DCDC2C: variants seen among roughly 807,000 people sequenced by gnomAD.
DCDC2C encodes doublecortin domain containing 2C, also known as doublecortin domain-containing protein 2C.
A neutral mutation model predicts 45.0 loss-of-function variants in DCDC2C; 44 were observed. The observed-to-expected ratio is 0.98, with a 90% CI of 0.77 to 1.26. DCDC2C has a LOEUF of 1.26. DCDC2C is among the 50% of genes most tolerant of loss of function. The pLI, the probability that DCDC2C is intolerant of heterozygous loss-of-function variation, is 0.00. For missense variants in DCDC2C, 447 were observed against 468.9 expected, an observed-to-expected ratio of 0.95 and a Z score of 0.43; for synonymous variants, 187 against 178.8, an observed-to-expected ratio of 1.05 and a Z score of -0.37.
chr2:3,720,911 A>C (rs1295625360), intron 2 of DCDC2C, among the ~76,000 whole-genome samples: 1 of 152,168 alleles, frequency 6.6e-6, no homozygotes, highest in Non-Finnish European at 1.5e-5. Context: ...TTGTGTGAAG[A>C]GTTTGAACTA....
At chr2:3,839,105 G>A (rs1238823555) in intron 10 of DCDC2C, among the ~76,000 whole-genome samples, 1 of 152,130 alleles carries the variant, frequency 6.6e-6, no homozygotes, top group East Asian at 1.9e-4. Flanking sequence ...AAGCCTTCAA[G>A]CCACCATCAG....
chr2:3,768,561 C>T (rs1355357316), intron 7 of DCDC2C, among the ~76,000 whole-genome samples: 1 of 152,174 alleles, frequency 6.6e-6, no homozygotes, highest in Non-Finnish European at 1.5e-5. Context: ...CACCCTTCCT[C>T]CCCTCTTGGC....
chr2:3,845,844 G>A (rs1410930944), intron 10 of DCDC2C, among the ~76,000 whole-genome samples: 13 of 152,220 alleles, frequency 8.5e-5, no homozygotes, highest in Non-Finnish European at 1.9e-4. Context: ...GCCCTGGTCT[G>A]TGCTCCACCA....
At chr2:3,837,759 G>C (rs200640093) in intron 10 of DCDC2C, among the ~76,000 whole-genome samples, 1 of 151,682 alleles carries the variant, frequency 6.6e-6, no homozygotes, top group East Asian at 1.9e-4. Context: ...CAAGAGAGGC[G>C]ATAACTGCTG....
chr2:3,829,038 T>G (rs1671892074), intron 10 of DCDC2C, among the ~76,000 whole-genome samples: 1 of 152,204 alleles, frequency 6.6e-6, no homozygotes, highest in African/African-American at 2.4e-5. Context: ...CTATCATTTT[T>G]CAGTCTGCTT....
chr2:3,737,629 C>T (rs1327317020), intron 3 of DCDC2C, among the ~76,000 whole-genome samples: 1 of 152,026 alleles, frequency 6.6e-6, no homozygotes, highest in Non-Finnish European at 1.5e-5. Context: ...TCCATGTGGC[C>T]TGGGGAAACC....
intron 10 of DCDC2C, among the ~76,000 whole-genome samples, chr2:3,798,160 A>G (rs1671013078): frequency 6.6e-6 from 1 of 151,882 alleles, no homozygotes; most frequent in Non-Finnish European, 1.5e-5. Flanking sequence ...TTGTTGGTTT[A>G]AAGTCTGTTT....
At chr2:3,759,071 A>C (rs968056016) in intron 6 of DCDC2C, among the ~76,000 whole-genome samples, 1 of 152,198 alleles carries the variant, frequency 6.6e-6, no homozygotes, top group Non-Finnish European at 1.5e-5. Flanking sequence ...TCGACTCTGC[A>C]GGGCTGAAGC....
rs189126494 is a variant in DCDC2C at position 3,756,950 on chromosome 2, G to A, written c.726+2316G>A. The stretch of plus-strand genomic sequence containing the variant: ...AAACACATTTTCGTATTAGGTGTTT[G>A]TTGAATGGATGAATGATGATCACTG... On this transcript the variant is annotated intron_variant, in intron 6 of 10. Coordinates refer to ENST00000399143, the MANE Select transcript of DCDC2C (RefSeq NM_001287444.2). 2.7e-3 allele frequency among the ~76,000 whole-genome samples: 407 copies of A among 152,316 alleles called. 3 individuals are homozygous for A. The highest frequency in any genetic ancestry group is 5.4e-3 in the Admixed American group (83 of 15,302).
intron 10 of DCDC2C, among the ~76,000 whole-genome samples, chr2:3,794,567 C>T (rs1213991443): frequency 6.6e-6 from 1 of 152,076 alleles, no homozygotes; most frequent in Non-Finnish European, 1.5e-5. Flanking sequence ...TTCCTGTGTC[C>T]ATGTGTTCTC....
At chr2:3,720,667 T>G (rs550103929) in intron 2 of DCDC2C, among the ~76,000 whole-genome samples, 87 of 152,328 alleles carry the variant, frequency 5.7e-4, no homozygotes, top group Admixed American at 1.4e-3. Flanking sequence ...ATCAGATGAT[T>G]TCCCATTTTT....
intron 8 of DCDC2C, among the ~76,000 whole-genome samples, chr2:3,777,120 T>C (rs1670364572): frequency 6.6e-6 from 1 of 152,244 alleles, no homozygotes; most frequent in Non-Finnish European, 1.5e-5. Context: ...TCAGCGCTTC[T>C]TCCTGCAACA....
chr2:3,831,797 C>T (rs1193551230), intron 10 of DCDC2C, among the ~76,000 whole-genome samples: 1 of 152,176 alleles, frequency 6.6e-6, no homozygotes, highest in Non-Finnish European at 1.5e-5. Context: ...GCAGAGCGCT[C>T]CGCCTCTCTG....
intron 2 of DCDC2C, among the ~76,000 whole-genome samples, chr2:3,722,584 G>T (rs578042551): frequency 1.3e-5 from 2 of 152,318 alleles, no homozygotes; most frequent in South Asian, 4.1e-4. Flanking sequence ...AAAGCTCATG[G>T]CGTCCTTCAG....
chr2:3,770,751 G>A (rs1005805501), intron 8 of DCDC2C, among the ~76,000 whole-genome samples: 10 of 152,224 alleles, frequency 6.6e-5, no homozygotes, highest in East Asian at 5.8e-4. Flanking sequence ...CAGAATCCTC[G>A]TGTGACAAGC....
chr2:3,836,394 C>T (rs1336744364), intron 10 of DCDC2C, among the ~76,000 whole-genome samples: 2 of 152,206 alleles, frequency 1.3e-5, no homozygotes, highest in African/African-American at 4.8e-5. Flanking sequence ...CCAAATGCAG[C>T]ATGCTGTCCT....
intron 10 of DCDC2C, among the ~76,000 whole-genome samples, chr2:3,819,014 A>G (rs2148221753): frequency 6.6e-6 from 1 of 152,318 alleles, no homozygotes; most frequent in African/African-American, 2.4e-5. Context: ...CTATGGAAGC[A>G]AGGGAAACAG....
At chr2:3,772,982 T>C (rs1427022799) in intron 8 of DCDC2C, among the ~76,000 whole-genome samples, 4 of 152,186 alleles carry the variant, frequency 2.6e-5, no homozygotes, top group African/African-American at 9.6e-5. Context: ...ATTGGGGTTC[T>C]GCATTAGGGA....
At chr2:3,726,933 C>T in intron 2 of DCDC2C, 70 bp from the exon 3 acceptor site, 1 of 1,365,420 alleles carries the variant, frequency 7.3e-7, no homozygotes, top group Non-Finnish European at 1.0e-6. Flanking sequence ...CAGTGCTGTG[C>T]ACACTGTTGA....
Sources: gnomAD v4.1 joint callset for allele counts (sites outside exome capture counted in the v4.1 genomes callset) on GRCh38, gnomAD v4.1.1 for gene constraint, MANE v1.5 for transcripts, NCBI Gene and HGNC (gene_info 2026-07-23, HGNC 2026-07-21) for gene names.